Variants in APBA2 observed in about 807,000 individuals in gnomAD.
APBA2 encodes amyloid-beta A4 precursor protein-binding family A member 2.
APBA2 carries 30 observed loss-of-function variants against 75.0 expected under a neutral mutation model. That is an observed-to-expected ratio of 0.40 (90% CI 0.30 to 0.54). The LOEUF is 0.54. Ranked by LOEUF, APBA2 falls within the 20% of genes least tolerant of loss-of-function variation. The pLI is 0.49. For synonymous variants in APBA2, 444 were observed against 409.6 expected, an observed-to-expected ratio of 1.08 and a Z score of -1.01; for missense variants, 801 against 1,016.1, an observed-to-expected ratio of 0.79 and a Z score of 2.88.
chr15:28,906,651 G>A (rs560734495), intron 1 of APBA2, among the ~76,000 whole-genome samples: 3 of 152,278 alleles, frequency 2.0e-5, no homozygotes, highest in African/African-American at 7.2e-5. Context: ...TCTGGACATC[G>A]ACACTCTCTG....
intron 3 of APBA2, among the ~76,000 whole-genome samples, chr15:29,048,895 A>G (rs2152878425): frequency 6.6e-6 from 1 of 151,184 alleles, no homozygotes; most frequent in East Asian, 2.0e-4. Flanking sequence ...GTGAGCCGAG[A>G]TCACACCACT....
intron 4 of APBA2, among the ~76,000 whole-genome samples, chr15:29,057,734 A>T (rs8042830): frequency 6.6e-6 from 1 of 152,048 alleles, no homozygotes; most frequent in Non-Finnish European, 1.5e-5. Flanking sequence ...CTCTGTACAC[A>T]CTCTACCATT....
chr15:29,030,853 C>T (rs760370419), intron 3 of APBA2, among the ~76,000 whole-genome samples: 4 of 151,594 alleles, frequency 2.6e-5, no homozygotes, highest in Non-Finnish European at 5.9e-5. Flanking sequence ...TCATTTTTGT[C>T]TGGTTAATTT....
intron 1 of APBA2, among the ~76,000 whole-genome samples, chr15:28,891,181 CTTTG>C (rs1308407892): frequency 3.3e-5 from 5 of 152,318 alleles, no homozygotes; most frequent in South Asian, 2.1e-4. Flanking sequence ...TTTCATCCTT[CTTTG>C]TTTGTCATTT....
chr15:29,031,995 G>A (rs1376741592), intron 3 of APBA2, among the ~76,000 whole-genome samples: 1 of 152,252 alleles, frequency 6.6e-6, no homozygotes, highest in Non-Finnish European at 1.5e-5. Context: ...ATGGCCAGGG[G>A]TGAGAGTTAA....
At position 29,053,634 on chromosome 15, in the gene APBA2, C is replaced by T. The variant is rs181387553; in HGVS notation, c.-40-211C>T. The stretch of plus-strand genomic sequence containing the variant: ...CGGTGCCTCCCTTGACTGCTTTTCC[C>T]GGAGCTCTGTGTGCCCTCGTTCTCC... On this transcript the variant is annotated intron_variant, in intron 3 of 14. Transcript: ENST00000683413. Among the ~76,000 whole-genome samples, 48 of 152,112 alleles carry T rather than the reference C, an allele frequency of 3.2e-4. No individual in the cohort carries two copies. In the South Asian group the frequency reaches 6.7e-3, roughly 21 times the overall value.
chr15:29,071,024 C>A, intron 4 of APBA2: 1 of 456,084 alleles, frequency 2.2e-6, no homozygotes, highest in Non-Finnish European at 4.4e-6. Flanking sequence ...TATCCCTAAC[C>A]TCAGCTCCTG....
At chr15:28,899,985 GC>G (rs1465400254) in intron 1 of APBA2, among the ~76,000 whole-genome samples, 2 of 152,290 alleles carry the variant, frequency 1.3e-5, no homozygotes, top group Non-Finnish European at 2.9e-5. Context: ...AGGAGGCAGG[GC>G]AGGAGTGGAG....
rs575490789 is a variant in APBA2, at chr15:28,943,946, C to T, written c.-95+22197C>T. ...GCTGGGGTGGCCGCTACACAGTGCC[C>T]TGCCGTGGCCCCCATGCTCCCCAAC... On this transcript the variant is annotated intron_variant, in intron 2 of 14. Transcript: ENST00000683413. 2.3e-3 allele frequency among the ~76,000 whole-genome samples: 344 copies of T among 152,282 alleles called. 1 individual carries two copies. Among genetic ancestry groups the T allele is most frequent in the African/African-American group, 7.8e-3 (326 of 41,570 alleles).
intron 3 of APBA2, among the ~76,000 whole-genome samples, chr15:29,011,831 G>A (rs2039418288): frequency 6.6e-6 from 1 of 151,982 alleles, no homozygotes; most frequent in Non-Finnish European, 1.5e-5. Flanking sequence ...AATTTTGAGT[G>A]CATTTAACTA....
Position 29,046,425 on chromosome 15 carries a change from C to T in APBA2, c.-40-7420C>T, listed in dbSNP as rs2041334781. ...TGCCCTTGTTTGAAGAAGCTGGGGACAGTTGTCCTTGCTCTCCACCCCCTG... is the reference window on the plus strand; with the variant it reads ...TGCCCTTGTTTGAAGAAGCTGGGGATAGTTGTCCTTGCTCTCCACCCCCTG... On this transcript the variant is annotated intron_variant, in intron 3 of 14. Transcript: ENST00000683413. This position sits in a 1 kb window ranked among gnomAD's most constrained non-coding sequence, Gnocchi z 5.0. 6.6e-6 allele frequency among the ~76,000 whole-genome samples: 1 copy of T among 152,158 alleles called. No homozygotes were observed. Among genetic ancestry groups the T allele is most frequent in the Admixed American group, 6.5e-5 (1 of 15,278 alleles).
intron 3 of APBA2, among the ~76,000 whole-genome samples, chr15:29,029,319 C>A (rs1425457068): frequency 1.3e-5 from 2 of 151,494 alleles, no homozygotes; most frequent in African/African-American, 4.8e-5. Context: ...ATGACATTAA[C>A]CCACTTTTCT....
chr15:29,069,522 C>T (rs557619070), intron 4 of APBA2, among the ~76,000 whole-genome samples: 1 of 152,348 alleles, frequency 6.6e-6, no homozygotes, highest in African/African-American at 2.4e-5. Context: ...AATTAAGCAG[C>T]CCTGTCACCT....
rs1208371082 is a variant in APBA2 at position 29,101,802 on chromosome 15, A to G, written c.1524+18A>G. The G allele has an allele frequency of 6.2e-6, 10 of 1,610,084 alleles. No homozygotes were observed. Among genetic ancestry groups the G allele is most frequent in the African/African-American group, 1.3e-5 (1 of 74,892 alleles). On this transcript the variant is annotated intron_variant, in intron 10 of 14. Transcript: ENST00000683413. The stretch of plus-strand genomic sequence containing the variant: ...CGGAGGATGTAAGTAAGCCCTTGCC[A>G]GGGCACTCCCCTCCCAAAGTTCACA...
At chr15:28,982,302 G>C (rs2037667007) in intron 2 of APBA2, among the ~76,000 whole-genome samples, 1 of 152,202 alleles carries the variant, frequency 6.6e-6, no homozygotes, top group Non-Finnish European at 1.5e-5. Flanking sequence ...AGTGTCACTA[G>C]GCTTTAATTT....
intron 3 of APBA2, among the ~76,000 whole-genome samples, chr15:29,008,840 G>A (rs1223068752): frequency 1.3e-5 from 2 of 152,168 alleles, no homozygotes; most frequent in African/African-American, 4.8e-5. Flanking sequence ...TCTGGGAGTT[G>A]GTTTCCATTC....
intron 13 of APBA2, among the ~76,000 whole-genome samples, chr15:29,111,508 T>C (rs979057212): frequency 7.2e-5 from 11 of 152,060 alleles, no homozygotes; most frequent in African/African-American, 2.7e-4. Context: ...TTATGATCCA[T>C]CTCCCCAGTG....
intron 3 of APBA2, among the ~76,000 whole-genome samples, chr15:29,048,015 G>T (rs2041421721): frequency 6.6e-6 from 1 of 151,934 alleles, no homozygotes; most frequent in African/African-American, 2.4e-5. Flanking sequence ...AGATTTTTTT[G>T]GGTGAAATTG....
chr15:29,091,325 ACCC>A (rs981097767), intron 6 of APBA2, among the ~76,000 whole-genome samples: 5 of 152,024 alleles, frequency 3.3e-5, no homozygotes, highest in African/African-American at 1.2e-4. Flanking sequence ...TGATCCTCTG[ACCC>A]CAGGGGCACG....
Sources: allele counts gnomAD v4.1 joint callset (sites outside exome capture counted in the v4.1 genomes callset), GRCh38; gene constraint gnomAD v4.1.1; non-coding constraint Gnocchi (gnomAD v3.1); transcripts MANE v1.5; gene names NCBI Gene and HGNC (gene_info 2026-07-23, HGNC 2026-07-21).